The following ERC2 variants were observed in gnomAD, a reference collection of about 807,000 sequenced individuals.
ERC2 encodes the protein ERC protein 2.
Under a neutral mutation model 114.8 loss-of-function variants are expected in ERC2, and 42 were observed. That is an observed-to-expected ratio of 0.37 (90% CI 0.29 to 0.47). ERC2 has a LOEUF of 0.47. Ranked by LOEUF, ERC2 falls within the 20% of genes least tolerant of loss-of-function variation. The pLI, the probability that ERC2 is intolerant of heterozygous loss-of-function variation, is 0.99. For synonymous variants in ERC2, 454 were observed against 425.5 expected, an observed-to-expected ratio of 1.07 and a Z score of -0.82; for missense variants, 939 against 1,150.7, an observed-to-expected ratio of 0.82 and a Z score of 2.66.
intron 16 of ERC2, among the ~76,000 whole-genome samples, chr3:55,691,576 A>ATATATATG (rs2062668299): frequency 5.6e-5 from 3 of 53,322 alleles, no homozygotes; most frequent in East Asian, 4.8e-4. Context: ...AAAAAAAAAT[A>ATATATATG]TATATATATA....
intron 2 of ERC2, among the ~76,000 whole-genome samples, chr3:56,300,287 A>AG (rs1297216977): frequency 6.6e-6 from 1 of 151,712 alleles, no homozygotes; most frequent in Non-Finnish European, 1.5e-5. Flanking sequence ...ATACAAAAAA[A>AG]AAAAAAAAGA....
intron 8 of ERC2, 97 bp from the exon 9 acceptor site, chr3:56,010,686 A>T: frequency 7.3e-7 from 1 of 1,364,100 alleles, no homozygotes; most frequent in Non-Finnish European, 9.9e-7. Flanking sequence ...CATCTAAGAA[A>T]TGCTGTACAG....
At chr3:56,353,762 AC>A (rs1475125384) in intron 2 of ERC2, among the ~76,000 whole-genome samples, 6 of 151,318 alleles carry the variant, frequency 4.0e-5, no homozygotes, top group Non-Finnish European at 8.8e-5. Context: ...TATGTAACAA[AC>A]CCTCACGTTG....
At position 56,348,945 on chromosome 3, in the gene ERC2, A is replaced by G. The variant is rs1560643032; in HGVS notation, c.658-52510T>C. 3.6e-5 allele frequency among the ~76,000 whole-genome samples: 5 copies of G among 138,584 alleles called. 1 individual carries two copies. The highest frequency in any genetic ancestry group is 4.9e-4 in the South Asian group (2 of 4,106). 90.9% of individuals were successfully genotyped at this position (138,584 alleles called of 152,430 possible). On this transcript the variant is annotated intron_variant, in intron 2 of 17. Transcript: ENST00000288221. ...GAAGGAAGGAAGGAAGGAAGGAAGG[A>G]AGGAAGGAAGGAAAGAAAGAAAGAA... is the stretch of plus-strand genomic sequence containing the variant.
intron 17 of ERC2, among the ~76,000 whole-genome samples, chr3:55,522,774 T>C (rs1418179194): frequency 6.6e-6 from 1 of 152,212 alleles, no homozygotes; most frequent in East Asian, 1.9e-4. Context: ...ACTCTGTAAA[T>C]GTCTCCACGT....
At chr3:55,560,363 C>A (rs190924601) in intron 17 of ERC2, among the ~76,000 whole-genome samples, 1 of 152,346 alleles carries the variant, frequency 6.6e-6, no homozygotes, top group East Asian at 1.9e-4. Flanking sequence ...GGTTTCTCAA[C>A]TGCAGTACTA....
chr3:55,928,522 C>T (rs1283182512), intron 13 of ERC2, among the ~76,000 whole-genome samples: 1 of 152,110 alleles, frequency 6.6e-6, no homozygotes, highest in African/African-American at 2.4e-5. Flanking sequence ...AATCCCTTTT[C>T]AGATGGATAG....
At chr3:55,583,576 C>T (rs980061514) in intron 17 of ERC2, among the ~76,000 whole-genome samples, 2 of 137,396 alleles carry the variant, frequency 1.5e-5, no homozygotes. Flanking sequence ...TTCCTTCCTT[C>T]CTTCCTTCCT....
At chr3:56,130,497 G>A (rs935988740) in intron 6 of ERC2, among the ~76,000 whole-genome samples, 3 of 152,194 alleles carry the variant, frequency 2.0e-5, no homozygotes, top group African/African-American at 7.2e-5. Flanking sequence ...GAACACCTGT[G>A]TTTATAAAGT....
In ERC2 at chr3:55,845,503, C is replaced by CAAA. The variant is rs764740068; in HGVS notation, c.2564+42883_2564+42885dup. On this transcript the variant is annotated intron_variant, in intron 14 of 17. Transcript: ENST00000288221. The stretch of plus-strand genomic sequence containing the variant: ...TGGGCGACAGAGCGAGACTCCGTCT[C>CAAA]AAAAAAAAAAAAAAAAAAAAAAAGG... 8.1e-3 allele frequency among the ~76,000 whole-genome samples: 521 copies of CAAA among 63,960 alleles called. 29 individuals carry two copies. The highest frequency in any genetic ancestry group is 0.029 in the African/African-American group (489 of 16,818). The allele number at this position is 63,960 out of a possible 152,430, so 42.0% of individuals were successfully genotyped here. A position where few individuals can be genotyped will look rare whatever the true frequency, so the allele number is the denominator to read the frequency against.
intron 14 of ERC2, among the ~76,000 whole-genome samples, chr3:55,839,487 T>C (rs2061037143): frequency 6.6e-6 from 1 of 151,552 alleles, no homozygotes; most frequent in Non-Finnish European, 1.5e-5. Context: ...ACAAACCTAA[T>C]AAAAATGTAT....
intron 2 of ERC2, among the ~76,000 whole-genome samples, chr3:56,352,747 C>G (rs922669261): frequency 6.6e-6 from 1 of 152,092 alleles, no homozygotes; most frequent in Non-Finnish European, 1.5e-5. Flanking sequence ...CTGGGGAAGG[C>G]TCCATTTCCT....
chr3:55,699,126 T>A (rs1025303660), intron 16 of ERC2, among the ~76,000 whole-genome samples: 1 of 151,498 alleles, frequency 6.6e-6, no homozygotes, highest in Non-Finnish European at 1.5e-5. Context: ...AGACTACATA[T>A]CTATGAAAGA....
At chr3:56,240,989 T>C (rs1442227354) in intron 3 of ERC2, among the ~76,000 whole-genome samples, 2 of 152,186 alleles carry the variant, frequency 1.3e-5, no homozygotes, top group Non-Finnish European at 1.5e-5. Flanking sequence ...CTCCCCCATT[T>C]TGGAGTCCCT....
At chr3:55,718,103 C>T (rs1381911639) in intron 15 of ERC2, among the ~76,000 whole-genome samples, 1 of 152,102 alleles carries the variant, frequency 6.6e-6, no homozygotes, top group African/African-American at 2.4e-5. Flanking sequence ...TGACAAAGTA[C>T]CCAAGCAGTG....
intron 14 of ERC2, among the ~76,000 whole-genome samples, chr3:55,865,688 T>C: frequency 6.6e-6 from 1 of 152,198 alleles, no homozygotes. Flanking sequence ...CTATTTGTCA[T>C]ATAAATTAGA....
intron 14 of ERC2, among the ~76,000 whole-genome samples, chr3:55,773,419 C>T (rs1430895581): frequency 2.0e-5 from 3 of 152,206 alleles, no homozygotes; most frequent in Non-Finnish European, 4.4e-5. Flanking sequence ...TTCAGATTCC[C>T]TTTTCTGACT....
At chr3:56,202,474 G>T (rs1303549057) in intron 3 of ERC2, among the ~76,000 whole-genome samples, 1 of 147,948 alleles carries the variant, frequency 6.8e-6, no homozygotes, top group Non-Finnish European at 1.5e-5. Context: ...AACATAATAG[G>T]GTATTCTGAG....
At chr3:56,311,230 CTTCTCTCTCTCTCTCTCTCTCTCTCTAT>C (rs1240355370) in intron 2 of ERC2, among the ~76,000 whole-genome samples, 50 of 29,242 alleles carry the variant, frequency 1.7e-3, no homozygotes, top group African/African-American at 5.2e-3. Flanking sequence ...TATCCATCAT[CTTCTCTCTCTCTCTCTCTCTCTCTCTAT>C]ATATATATAT....
Sources: allele counts gnomAD v4.1 joint callset (sites outside exome capture counted in the v4.1 genomes callset), GRCh38; gene constraint gnomAD v4.1.1; transcripts MANE v1.5; gene names NCBI Gene and HGNC (gene_info 2026-07-23, HGNC 2026-07-21).